The following EDIL3 variants were observed in gnomAD, a reference collection of about 807,000 sequenced individuals.
EDIL3 encodes the protein EGF-like repeat and discoidin I-like domain-containing protein 3.
EDIL3 carries 37 observed loss-of-function variants against 67.4 expected under a neutral mutation model. The observed-to-expected ratio is 0.55, with a 90% CI of 0.42 to 0.72. The LOEUF is 0.72. EDIL3 is among the 30% of genes least tolerant of loss of function. The pLI is 0.00. For missense variants in EDIL3, 527 were observed against 586.3 expected (o/e 0.90, Z 1.04); for synonymous variants, 195 against 196.3 (o/e 0.99, Z 0.05).
chr5:84,075,368 GT>G (rs1339725896), intron 6 of EDIL3, among the ~76,000 whole-genome samples: 1 of 151,974 alleles, frequency 6.6e-6, no homozygotes, highest in African/African-American at 2.4e-5. Context: ...AAATAAAAAA[GT>G]AAACATTTTT....
At chr5:84,308,900 G>A (rs1355684158) in intron 1 of EDIL3, among the ~76,000 whole-genome samples, 2 of 152,116 alleles carry the variant, frequency 1.3e-5, no homozygotes, top group Non-Finnish European at 2.9e-5. Flanking sequence ...CACGGAAGTG[G>A]CGAAAATTCC....
chr5:84,252,896 T>A lies in EDIL3; in HGVS notation c.196+1188A>T, dbSNP rs112125715. The stretch of plus-strand genomic sequence containing the variant: ...TAATAAAAGCATTAAAAGAGAATTA[T>A]CTTTGAAGATGAATTAAATGAACAA... On this transcript the variant is annotated intron_variant, in intron 2 of 10. Transcript: ENST00000296591. Among the ~76,000 whole-genome samples the A allele has an allele frequency of 3.2e-3, 494 of 152,278 alleles. 2 individuals are homozygous for A. The highest frequency in any genetic ancestry group is 0.011 in the African/African-American group (466 of 41,556).
At chr5:84,296,399 G>A (rs1002992649) in intron 1 of EDIL3, among the ~76,000 whole-genome samples, 2 of 152,092 alleles carry the variant, frequency 1.3e-5, no homozygotes, top group African/African-American at 4.8e-5. Context: ...TTTCCCACAG[G>A]ATCTAGGAGA....
At chr5:84,179,812 T>C (rs1748983833) in intron 4 of EDIL3, among the ~76,000 whole-genome samples, 1 of 152,144 alleles carries the variant, frequency 6.6e-6, no homozygotes. Context: ...ACATTTATGT[T>C]CACCCCTCCT....
At chr5:84,293,082 C>T (rs1580059321) in intron 1 of EDIL3, among the ~76,000 whole-genome samples, 1 of 152,162 alleles carries the variant, frequency 6.6e-6, no homozygotes, top group Non-Finnish European at 1.5e-5. Context: ...TATGGGCTGA[C>T]CCCTCCGCTA....
chr5:84,190,727 C>T (rs1204440818), intron 3 of EDIL3, among the ~76,000 whole-genome samples: 3 of 151,740 alleles, frequency 2.0e-5, no homozygotes, highest in Non-Finnish European at 4.4e-5. Flanking sequence ...CAGCGCTTCA[C>T]CTTTTTCAGG....
chr5:84,213,938 T>C (rs1040391924), intron 3 of EDIL3, among the ~76,000 whole-genome samples: 5 of 152,142 alleles, frequency 3.3e-5, no homozygotes, highest in African/African-American at 7.2e-5. Flanking sequence ...TCCTAATTCC[T>C]TGTGGACCTC....
At chr5:84,046,392 G>A (rs1489179444) in intron 9 of EDIL3, among the ~76,000 whole-genome samples, 1 of 152,078 alleles carries the variant, frequency 6.6e-6, no homozygotes, top group Non-Finnish European at 1.5e-5. Flanking sequence ...AAAAAAATGA[G>A]TCACTTCAAT....
At chr5:84,083,943 G>A (rs377752113) in intron 6 of EDIL3, among the ~76,000 whole-genome samples, 1 of 152,026 alleles carries the variant, frequency 6.6e-6, no homozygotes, top group Non-Finnish European at 1.5e-5. Flanking sequence ...AAAATAAATT[G>A]GATGATTCTG....
intron 2 of EDIL3, among the ~76,000 whole-genome samples, chr5:84,235,941 A>G (rs1561230335): frequency 6.6e-6 from 1 of 152,028 alleles, no homozygotes; most frequent in Non-Finnish European, 1.5e-5. Context: ...TTTTTAAACT[A>G]ACTCAGAAAA....
intron 9 of EDIL3, among the ~76,000 whole-genome samples, chr5:84,038,563 C>T (rs1746065339): frequency 6.6e-6 from 1 of 152,178 alleles, no homozygotes; most frequent in Non-Finnish European, 1.5e-5. Context: ...CCTTGTTAGA[C>T]CAGGATAGCT....
At chr5:84,185,144 T>C (rs1228410012) in intron 3 of EDIL3, among the ~76,000 whole-genome samples, 2 of 152,156 alleles carry the variant, frequency 1.3e-5, no homozygotes, top group Non-Finnish European at 2.9e-5. Flanking sequence ...AAAGCATAGA[T>C]TTTAACACAC....
chr5:83,960,539 T>C (rs1306616972), intron 10 of EDIL3, among the ~76,000 whole-genome samples: 3 of 151,090 alleles, frequency 2.0e-5, no homozygotes, highest in Non-Finnish European at 4.5e-5. Flanking sequence ...TTAAAAAAGA[T>C]TTATTTTGGT....
intron 2 of EDIL3, among the ~76,000 whole-genome samples, chr5:84,230,189 A>G (rs973977837): frequency 2.0e-5 from 3 of 152,132 alleles, no homozygotes; most frequent in Non-Finnish European, 4.4e-5. Flanking sequence ...TCCTTTGCAA[A>G]TAAGATTAAC....
intron 9 of EDIL3, among the ~76,000 whole-genome samples, chr5:84,036,135 G>C (rs1158922794): frequency 6.6e-6 from 1 of 152,164 alleles, no homozygotes; most frequent in East Asian, 1.9e-4. Flanking sequence ...ATTCCCTCCT[G>C]AGTAACCTGA....
chr5:84,130,561 T>C (rs958697958), intron 5 of EDIL3, among the ~76,000 whole-genome samples: 1 of 152,138 alleles, frequency 6.6e-6, no homozygotes, highest in Non-Finnish European at 1.5e-5. Flanking sequence ...AAAAAAATTA[T>C]TTACTTCAGA....
chr5:83,950,000 A>C (rs1448824291), intron 10 of EDIL3, among the ~76,000 whole-genome samples: 1 of 151,814 alleles, frequency 6.6e-6, no homozygotes. Context: ...AACCATGTCT[A>C]AATGTAGGAG....
At chr5:84,132,590 AT>A (rs1296576057) in intron 5 of EDIL3, among the ~76,000 whole-genome samples, 2 of 113,648 alleles carry the variant, frequency 1.8e-5, no homozygotes, top group South Asian at 4.9e-4. Context: ...TATTTTATAT[AT>A]TTTTAATATA....
intron 6 of EDIL3, among the ~76,000 whole-genome samples, chr5:84,093,863 T>G (rs1747212053): frequency 6.6e-6 from 1 of 151,940 alleles, no homozygotes; most frequent in Non-Finnish European, 1.5e-5. Context: ...TTTCACCATA[T>G]TGGCCAGGCT....
Sources: gnomAD v4.1 joint callset for allele counts (sites outside exome capture counted in the v4.1 genomes callset) on GRCh38, gnomAD v4.1.1 for gene constraint, MANE v1.5 for transcripts, NCBI Gene and HGNC (gene_info 2026-07-23, HGNC 2026-07-21) for gene names.